FCHSD2: variants seen among roughly 807,000 people sequenced by gnomAD.
The protein encoded by FCHSD2 is FCH and double SH3 domains 2.
FCHSD2 carries 38 observed loss-of-function variants against 108.1 expected under a neutral mutation model. The ratio of observed to expected loss-of-function variants is 0.35; its 90% CI spans 0.27 to 0.46. The LOEUF is 0.46. Among genes scored for constraint, FCHSD2 ranks in the 20% least tolerant of loss-of-function variants. The pLI, the probability that FCHSD2 is intolerant of heterozygous loss-of-function variation, is 1.00. For synonymous variants in FCHSD2, 279 were observed against 314.7 expected, an observed-to-expected ratio of 0.89 and a Z score of 1.20; for missense variants, 751 against 897.8, an observed-to-expected ratio of 0.84 and a Z score of 2.09.
chr11:72,875,056 T>C (rs551879454), intron 12 of FCHSD2, among the ~76,000 whole-genome samples: 15 of 152,354 alleles, frequency 9.8e-5, no homozygotes, highest in African/African-American at 3.6e-4. Context: ...CATAAACACA[T>C]ATAAGTGTAA....
chr11:73,100,882 A>G (rs888483345), intron 2 of FCHSD2, among the ~76,000 whole-genome samples: 1 of 149,478 alleles, frequency 6.7e-6, no homozygotes, highest in African/African-American at 2.5e-5. Context: ...TTTTTCCTTA[A>G]TGCTGTTTAG....
chr11:73,030,417 A>G (rs2135450307), intron 3 of FCHSD2, among the ~76,000 whole-genome samples: 1 of 152,338 alleles, frequency 6.6e-6, no homozygotes, highest in South Asian at 2.1e-4. Context: ...TCAATTTACC[A>G]TACATAAATG....
intron 3 of FCHSD2, among the ~76,000 whole-genome samples, chr11:73,016,481 C>T (rs1174820124): frequency 6.6e-6 from 1 of 152,118 alleles, no homozygotes; most frequent in East Asian, 1.9e-4. Flanking sequence ...CATTGATATG[C>T]CTTTCACTTT....
chr11:73,068,358 G>GGTAGGGTGGT (rs1291797527), intron 3 of FCHSD2, among the ~76,000 whole-genome samples: 1 of 118,756 alleles, frequency 8.4e-6, no homozygotes, highest in African/African-American at 3.2e-5. Flanking sequence ...GGTAGGGTGG[G>GGTAGGGTGGT]GTTGGGGGGG....
At chr11:72,968,021 G>A (rs1856944204) in intron 8 of FCHSD2, among the ~76,000 whole-genome samples, 1 of 150,712 alleles carries the variant, frequency 6.6e-6, no homozygotes, top group Non-Finnish European at 1.5e-5. Context: ...AACCTGGGAG[G>A]TGGAGCTTGC....
At chr11:73,083,430 T>A (rs1373153319) in intron 3 of FCHSD2, among the ~76,000 whole-genome samples, 1 of 151,882 alleles carries the variant, frequency 6.6e-6, no homozygotes, top group Non-Finnish European at 1.5e-5. Flanking sequence ...ACACCTGTAG[T>A]CCCAGCTACT....
intron 9 of FCHSD2, 136 bp downstream of exon 9, chr11:72,921,692 A>G: frequency 1.5e-6 from 1 of 671,460 alleles, no homozygotes; most frequent in Non-Finnish European, 2.5e-6. Flanking sequence ...ACTTTGTTAG[A>G]AGGAATGCTG....
chr11:73,095,858 C>A (rs1253122057), intron 2 of FCHSD2, among the ~76,000 whole-genome samples: 3 of 151,572 alleles, frequency 2.0e-5, no homozygotes, highest in African/African-American at 7.3e-5. Flanking sequence ...AGTGAGAGAG[C>A]CTACACTATG....
At chr11:72,909,289 G>A (rs559468163) in intron 9 of FCHSD2, among the ~76,000 whole-genome samples, 9 of 152,116 alleles carry the variant, frequency 5.9e-5, no homozygotes, top group African/African-American at 1.2e-4. Context: ...TGCCCGCCTC[G>A]GCCTCCTGAG....
intron 2 of FCHSD2, among the ~76,000 whole-genome samples, chr11:73,130,324 C>T (rs1467189620): frequency 6.6e-6 from 1 of 152,196 alleles, no homozygotes; most frequent in African/African-American, 2.4e-5. Flanking sequence ...CAAGTACTAT[C>T]ATAGCTCACT....
At chr11:73,054,392 G>A (rs1858972784) in intron 3 of FCHSD2, among the ~76,000 whole-genome samples, 1 of 151,718 alleles carries the variant, frequency 6.6e-6, no homozygotes, top group African/African-American at 2.4e-5. Context: ...AAAAAAAAAA[G>A]AAATTTAAAT....
intron 8 of FCHSD2, among the ~76,000 whole-genome samples, chr11:72,939,888 G>A (rs1028464282): frequency 2.0e-5 from 3 of 151,970 alleles, no homozygotes; most frequent in Non-Finnish European, 4.4e-5. Flanking sequence ...CAAGTGTTGG[G>A]ATTACAGGCA....
intron 5 of FCHSD2, among the ~76,000 whole-genome samples, chr11:72,999,679 A>G (rs1164237895): frequency 1.3e-5 from 2 of 152,170 alleles, no homozygotes; most frequent in African/African-American, 4.8e-5. Flanking sequence ...TTACTTCATC[A>G]ATGGAAGAGA....
At chr11:73,034,384 A>C (rs1858437785) in intron 3 of FCHSD2, among the ~76,000 whole-genome samples, 1 of 152,230 alleles carries the variant, frequency 6.6e-6, no homozygotes, top group Admixed American at 6.5e-5. Context: ...CTTTGGTAGC[A>C]CACAAACATG....
intron 3 of FCHSD2, among the ~76,000 whole-genome samples, chr11:73,081,900 A>G (rs1844971662): frequency 6.6e-6 from 1 of 152,168 alleles, no homozygotes; most frequent in Non-Finnish European, 1.5e-5. Context: ...TTTATTATAC[A>G]GGCATAGAAA....
intron 3 of FCHSD2, among the ~76,000 whole-genome samples, chr11:73,028,521 C>T (rs894573432): frequency 1.3e-5 from 2 of 152,134 alleles, no homozygotes; most frequent in Non-Finnish European, 2.9e-5. Context: ...AAGGGACTTC[C>T]TTGTCTCAGA....
chr11:72,869,165 C>T (rs1854796016), intron 12 of FCHSD2, among the ~76,000 whole-genome samples: 1 of 152,076 alleles, frequency 6.6e-6, no homozygotes, highest in Admixed American at 6.6e-5. Context: ...CTTCAGCCTC[C>T]CAAAGTGCTG....
chr11:73,069,181 T>G (rs1859372305), intron 3 of FCHSD2, among the ~76,000 whole-genome samples: 1 of 151,422 alleles, frequency 6.6e-6, no homozygotes, highest in Admixed American at 6.6e-5. Context: ...CGTGGTGGCA[T>G]GCACCTGTAG....
intron 8 of FCHSD2, among the ~76,000 whole-genome samples, chr11:72,973,021 C>T (rs995740148): frequency 2.6e-5 from 4 of 152,194 alleles, no homozygotes; most frequent in African/African-American, 9.7e-5. Flanking sequence ...CTGTTGATAA[C>T]AGCACTGTTT....
Sources: gnomAD v4.1 joint callset for allele counts (sites outside exome capture counted in the v4.1 genomes callset) on GRCh38, gnomAD v4.1.1 for gene constraint, MANE v1.5 for transcripts, NCBI Gene and HGNC (gene_info 2026-07-23, HGNC 2026-07-21) for gene names.